SLC39A11: variants seen among roughly 807,000 people sequenced by gnomAD.
SLC39A11 encodes solute carrier family 39 member 11, also known as zinc transporter ZIP11.
In SLC39A11, 33 loss-of-function variants were observed where a neutral mutation model predicts 36.1. That is an observed-to-expected ratio of 0.91 (90% CI 0.69 to 1.22). The LOEUF is 1.22. Among genes scored for constraint, SLC39A11 ranks in the 50% most tolerant of loss-of-function variants. The probability of loss-of-function intolerance (pLI) is 0.00; values close to 1 mark genes in which losing one functional copy is unlikely to be tolerated. For missense variants in SLC39A11, 432 were observed against 430.3 expected (o/e 1.00, Z -0.03); for synonymous variants, 166 against 170.3 (o/e 0.97, Z 0.20).
chr17:72,959,325 G>GTCTATATATATA (rs1436484912), intron 4 of SLC39A11, among the ~76,000 whole-genome samples: 1 of 65,548 alleles, frequency 1.5e-5, no homozygotes, highest in Non-Finnish European at 2.7e-5. Context: ...GTGTGTGTGT[G>GTCTATATATATA]TATATATATA....
chr17:72,971,187 T>C (rs1046569234), intron 4 of SLC39A11, among the ~76,000 whole-genome samples: 2 of 152,142 alleles, frequency 1.3e-5, no homozygotes, highest in Non-Finnish European at 2.9e-5. Context: ...TGACCATCTC[T>C]GATGATAGAT....
chr17:72,682,581 C>CATTATCCAAGGGTCAATGT (rs1389989953), intron 7 of SLC39A11, among the ~76,000 whole-genome samples: 4 of 152,206 alleles, frequency 2.6e-5, no homozygotes, highest in African/African-American at 9.7e-5. Context: ...CTGGTAAGCA[C>CATTATCCAAGGGTCAATGT]AGCTGATTGT....
chr17:72,846,960 CCA>C (rs962660500), intron 6 of SLC39A11, among the ~76,000 whole-genome samples: 3 of 152,152 alleles, frequency 2.0e-5, no homozygotes, highest in African/African-American at 7.2e-5. Context: ...CTGCAGGGGA[CCA>C]AGGGGTCTTT....
At chr17:72,718,422 G>C (rs993694554) in intron 7 of SLC39A11, among the ~76,000 whole-genome samples, 2 of 152,140 alleles carry the variant, frequency 1.3e-5, no homozygotes, top group African/African-American at 4.8e-5. Flanking sequence ...CTGGGCAACA[G>C]AGCAAGACTC....
intron 5 of SLC39A11, among the ~76,000 whole-genome samples, chr17:72,898,208 T>G (rs1296069358): frequency 6.6e-6 from 1 of 152,060 alleles, no homozygotes; most frequent in African/African-American, 2.4e-5. Flanking sequence ...CCTGCGCACA[T>G]AGACACGTGG....
At chr17:72,948,178 C>T (rs1437622955) in intron 4 of SLC39A11, among the ~76,000 whole-genome samples, 1 of 151,990 alleles carries the variant, frequency 6.6e-6, no homozygotes, top group African/African-American at 2.4e-5. Context: ...CACCAAAACT[C>T]CACTGCAAGC....
At chr17:72,942,160 T>G (rs1164202801) in intron 5 of SLC39A11, among the ~76,000 whole-genome samples, 1 of 151,868 alleles carries the variant, frequency 6.6e-6, no homozygotes, top group Non-Finnish European at 1.5e-5. Context: ...CCTCCCAAAG[T>G]GCTGGGATTA....
At chr17:72,822,085 A>G (rs2077805845) in intron 6 of SLC39A11, 1 of 151,228 alleles carries the variant, frequency 6.6e-6, no homozygotes, top group Admixed American at 6.6e-5. Context: ...CACATCCAAC[A>G]AAACTCCAGG....
intron 7 of SLC39A11, chr17:72,725,643 C>A (rs1864685): frequency 0.35 from 53,461 of 152,034 alleles, 10,878 homozygotes; most frequent in Middle Eastern, 0.49. Context: ...GCAACCTATG[C>A]TACCAAGCTA....
At chr17:72,763,530 C>G (rs1242354101) in intron 6 of SLC39A11, among the ~76,000 whole-genome samples, 1 of 152,164 alleles carries the variant, frequency 6.6e-6, no homozygotes, top group Non-Finnish European at 1.5e-5. Context: ...CTTACAGAAC[C>G]TGTATTTTGT....
intron 5 of SLC39A11, among the ~76,000 whole-genome samples, chr17:72,912,422 T>G (rs78862302): frequency 6.6e-6 from 1 of 150,862 alleles, no homozygotes; most frequent in African/African-American, 2.4e-5. Context: ...TTTACATTCT[T>G]AGGACAATAT....
intron 7 of SLC39A11, among the ~76,000 whole-genome samples, chr17:72,712,295 A>G (rs887210567): frequency 1.3e-5 from 2 of 152,196 alleles, no homozygotes; most frequent in African/African-American, 4.8e-5. Context: ...CTGCCTGCCT[A>G]TTTGAGCTAG....
intron 7 of SLC39A11, among the ~76,000 whole-genome samples, chr17:72,694,491 C>T (rs1486499756): frequency 6.6e-6 from 1 of 152,232 alleles, no homozygotes; most frequent in East Asian, 1.9e-4. Context: ...CTGCTCGCCA[C>T]TGTGCAGCTG....
intron 5 of SLC39A11, among the ~76,000 whole-genome samples, chr17:72,924,457 T>C (rs1210472461): frequency 2.0e-5 from 3 of 151,976 alleles, no homozygotes; most frequent in Non-Finnish European, 4.4e-5. Context: ...AGGGAGTAAC[T>C]AAAATCAAAT....
chr17:72,683,357 A>G (rs2071592157), intron 7 of SLC39A11, among the ~76,000 whole-genome samples: 1 of 137,078 alleles, frequency 7.3e-6, no homozygotes, highest in Non-Finnish European at 1.6e-5. Context: ...TTTTTTGGAT[A>G]CACGGTCTCG....
intron 6 of SLC39A11, among the ~76,000 whole-genome samples, chr17:72,848,271 C>A (rs1481880685): frequency 6.6e-6 from 1 of 152,176 alleles, no homozygotes; most frequent in African/African-American, 2.4e-5. Flanking sequence ...CAAAATGCAT[C>A]CCAAATTGCT....
chr17:72,879,445 G>A lies in SLC39A11; in HGVS notation c.431-29641C>T, dbSNP rs193222557. Among the ~76,000 whole-genome samples the A allele has an allele frequency of 8.5e-5, 13 of 152,240 alleles. No individual in the cohort carries two copies. In the East Asian group the frequency reaches 1.7e-3, roughly 20 times the overall value. ...TTTAGGAACTGTATGCTAGAATGCC[G>A]GAGGAAAACCAATTATATATTTCAC... On this transcript the variant is annotated intron_variant, in intron 5 of 9. Transcript: ENST00000255559.
intron 5 of SLC39A11, among the ~76,000 whole-genome samples, chr17:72,892,814 C>G (rs1487275283): frequency 2.0e-5 from 3 of 152,184 alleles, no homozygotes; most frequent in African/African-American, 7.2e-5. Context: ...ATTTGACAGC[C>G]ATTTCCCGCA....
intron 5 of SLC39A11, among the ~76,000 whole-genome samples, chr17:72,859,240 G>A (rs756336372): frequency 7.9e-5 from 12 of 152,340 alleles, no homozygotes; most frequent in Non-Finnish European, 1.3e-4. Flanking sequence ...CAAATACAAA[G>A]CACCTATTGT....
Sources: gnomAD v4.1 joint callset for allele counts (sites outside exome capture counted in the v4.1 genomes callset) on GRCh38, gnomAD v4.1.1 for gene constraint, MANE v1.5 for transcripts, NCBI Gene and HGNC (gene_info 2026-07-23, HGNC 2026-07-21) for gene names.